Variants in CAST observed in about 807,000 individuals in gnomAD.
The protein encoded by CAST is calpastatin.
Under a neutral mutation model 119.6 loss-of-function variants are expected in CAST, and 76 were observed. That is an observed-to-expected ratio of 0.64 (90% CI 0.53 to 0.77). CAST has a LOEUF of 0.77. CAST is among the 30% of genes least tolerant of loss of function. CAST has a pLI of 0.00. For missense variants in CAST, 953 were observed against 946.5 expected (o/e 1.01, Z -0.09); for synonymous variants, 319 against 331.6 (o/e 0.96, Z 0.41).
At chr5:96,415,749 T>C in the CAST span, among the ~76,000 whole-genome samples, 1 of 152,214 alleles carries the variant, frequency 6.6e-6, no homozygotes, top group African/African-American at 2.4e-5. Flanking sequence ...CAAACCATTC[T>C]AAATCAGAAC....
chr5:96,703,034 G>T (rs2150322151), intron 3 of CAST: 1 of 734,388 alleles, frequency 1.4e-6, no homozygotes, highest in African/African-American at 1.9e-5. Context: ...GACTCCCCAG[G>T]CTCGGGACGT....
the CAST span, among the ~76,000 whole-genome samples, chr5:96,012,437 T>G: frequency 6.6e-6 from 1 of 152,170 alleles, no homozygotes; most frequent in Non-Finnish European, 1.5e-5. Context: ...TTATCCTAAC[T>G]TTACTTAATT....
the CAST span, among the ~76,000 whole-genome samples, chr5:96,400,629 G>C: frequency 6.6e-6 from 1 of 152,222 alleles, no homozygotes; most frequent in Non-Finnish European, 1.5e-5. Context: ...CTTAGGAAGA[G>C]TGAGATGTTA....
chr5:96,336,115 C>T, the CAST span, among the ~76,000 whole-genome samples: 8 of 152,326 alleles, frequency 5.3e-5, no homozygotes, highest in East Asian at 1.4e-3. Context: ...TCTGAATCTA[C>T]ACAAGGAAAT....
At chr5:96,688,373 A>G (rs923179341) in intron 2 of CAST, among the ~76,000 whole-genome samples, 5 of 152,230 alleles carry the variant, frequency 3.3e-5, no homozygotes, top group African/African-American at 1.2e-4. Context: ...CAGAAATCCC[A>G]ATTCTAAGAA....
At chr5:96,593,814 C>T (rs749241423) in intron 1 of CAST, among the ~76,000 whole-genome samples, 14 of 152,252 alleles carry the variant, frequency 9.2e-5, no homozygotes, top group East Asian at 1.9e-4. Context: ...GGAGCAGGCC[C>T]GCATCAGAGC....
At chr5:96,361,764 G>A in the CAST span, among the ~76,000 whole-genome samples, 1 of 88,278 alleles carries the variant, frequency 1.1e-5, no homozygotes, top group Non-Finnish European at 2.4e-5. Context: ...GCTGACAGGA[G>A]CGATTTGTCT....
chr5:96,362,967 G>C, the CAST span, among the ~76,000 whole-genome samples: 2 of 152,068 alleles, frequency 1.3e-5, no homozygotes, highest in Non-Finnish European at 1.5e-5. Flanking sequence ...TATGATTTCA[G>C]GTCTAACATT....
the CAST span, among the ~76,000 whole-genome samples, chr5:96,294,342 A>G: frequency 2.0e-5 from 3 of 152,208 alleles, no homozygotes; most frequent in Admixed American, 2.0e-4. Flanking sequence ...AATTTGCAGT[A>G]TGCTTCTTCA....
At chr5:96,145,131 GCTGTC>G in the CAST span, among the ~76,000 whole-genome samples, 5 of 152,258 alleles carry the variant, frequency 3.3e-5, no homozygotes, top group African/African-American at 1.2e-4. Flanking sequence ...ACCTGCCCAA[GCTGTC>G]TTCAGCTATC....
the CAST span, among the ~76,000 whole-genome samples, chr5:96,326,009 A>G: frequency 4.6e-5 from 7 of 152,104 alleles, no homozygotes; most frequent in African/African-American, 9.7e-5. Context: ...ACTATTCCCA[A>G]CGGAATACCT....
At chr5:96,287,807 T>G in the CAST span, among the ~76,000 whole-genome samples, 1 of 152,008 alleles carries the variant, frequency 6.6e-6, no homozygotes, top group African/African-American at 2.4e-5. Context: ...AAAGTGCAGT[T>G]GTATATGTTG....
Position 96,621,125 on chromosome 5 carries a change from G to T in CAST, c.61-54414G>T, listed in dbSNP as rs116362259. ...GCCCTGAAGAAAGGGGTTAAGTGTC[G>T]TTTGTACTTGGAGTGATTTAAAAGA... On this transcript the variant is annotated intron_variant, in intron 1 of 11. Transcript: ENST00000505143. Among the ~76,000 whole-genome samples, 1,026 of 152,208 alleles carry T rather than the reference G, an allele frequency of 6.7e-3. 14 individuals are homozygous for T. The highest frequency in any genetic ancestry group is 0.024 in the African/African-American group (982 of 41,516).
At chr5:96,513,327 CAGG>C in the CAST span, among the ~76,000 whole-genome samples, 1 of 152,110 alleles carries the variant, frequency 6.6e-6, no homozygotes, top group Non-Finnish European at 1.5e-5. Context: ...TATATTCTAG[CAGG>C]AGGAGACAGA....
the CAST span, among the ~76,000 whole-genome samples, chr5:96,374,848 G>A: frequency 2.7e-4 from 41 of 152,144 alleles, no homozygotes; most frequent in African/African-American, 9.9e-4. Flanking sequence ...CTGGGGTTGT[G>A]GCGCTGGAGT....
chr5:96,348,623 G>T, the CAST span, among the ~76,000 whole-genome samples: 3 of 152,112 alleles, frequency 2.0e-5, no homozygotes, highest in Non-Finnish European at 4.4e-5. Flanking sequence ...AGAAGACAGG[G>T]TCATTTGCTA....
chr5:96,703,948 A>T (rs1754420269), intron 3 of CAST, among the ~76,000 whole-genome samples: 1 of 152,148 alleles, frequency 6.6e-6, no homozygotes, highest in African/African-American at 2.4e-5. Flanking sequence ...CAGTATCTAA[A>T]AGGAATATTG....
At chr5:96,231,391 T>C in the CAST span, among the ~76,000 whole-genome samples, 1 of 152,100 alleles carries the variant, frequency 6.6e-6, no homozygotes, top group Non-Finnish European at 1.5e-5. Flanking sequence ...ATACCACATA[T>C]TGTATGATTT....
the CAST span, among the ~76,000 whole-genome samples, chr5:96,005,919 AGTTTT>A: frequency 6.6e-6 from 1 of 152,158 alleles, no homozygotes; most frequent in Non-Finnish European, 1.5e-5. Context: ...AAATAAAATT[AGTTTT>A]ATTTTTGATT....
Sources: allele counts gnomAD v4.1 joint callset (sites outside exome capture counted in the v4.1 genomes callset), GRCh38; gene constraint gnomAD v4.1.1; transcripts MANE v1.5; gene names NCBI Gene and HGNC (gene_info 2026-07-23, HGNC 2026-07-21).